The following FREM2 variants were observed in gnomAD, a reference collection of about 807,000 sequenced individuals.
FREM2 encodes the protein FRAS1 related extracellular matrix 2, also known as FRAS1-related extracellular matrix protein 2.
FREM2 carries 119 observed loss-of-function variants against 219.9 expected under a neutral mutation model. The observed-to-expected ratio is 0.54, with a 90% CI of 0.47 to 0.63. The LOEUF (loss-of-function observed/expected upper bound fraction) is 0.63. Among genes scored for constraint, FREM2 ranks in the 30% least tolerant of loss-of-function variants. The probability of loss-of-function intolerance (pLI) is 0.00; values close to 1 mark genes in which losing one functional copy is unlikely to be tolerated. For missense variants in FREM2, 4,030 were observed against 3,993.6 expected (o/e 1.01, Z -0.25); for synonymous variants, 1,562 against 1,522.8 (o/e 1.03, Z -0.60).
intron 2 of FREM2, among the ~76,000 whole-genome samples, chr13:38,701,615 A>G (rs1870345333): frequency 6.6e-6 from 1 of 152,072 alleles, no homozygotes; most frequent in Admixed American, 6.6e-5. Flanking sequence ...GTATTCTAAC[A>G]TGAAAGTGCT....
intron 3 of FREM2, among the ~76,000 whole-genome samples, chr13:38,767,104 T>A (rs542304927): frequency 2.0e-5 from 3 of 152,322 alleles, no homozygotes; most frequent in Non-Finnish European, 2.9e-5. Flanking sequence ...AAAAGGCCCA[T>A]GCTCTTAATC....
chr13:38,691,072 T>A lies in FREM2; in HGVS notation c.3728T>A (p.Ile1243Lys), dbSNP rs140377761. The change falls in exon 1 of 24, where the codon ATA becomes AAA. Residue 1243 changes from isoleucine (I) to lysine (K), a missense_variant. Transcript: ENST00000280481. ...PTHGHIMNQL[I>K]NGTVLVESFT... ...CATGGTCACATCATGAATCAGCTGA[T>A]AAATGGCACGGTTTTGGTCGAAAGC... 1.7e-4 allele frequency: 269 copies of A among 1,614,064 alleles called. No homozygotes were observed. Among genetic ancestry groups the A allele is most frequent in the Non-Finnish European group, 2.2e-4 (260 of 1,180,044 alleles).
chr13:38,713,973 C>G (rs980190118), intron 2 of FREM2, among the ~76,000 whole-genome samples: 1 of 152,190 alleles, frequency 6.6e-6, no homozygotes, highest in Non-Finnish European at 1.5e-5. Flanking sequence ...CCTCCAACAT[C>G]AAAGAACTAT....
In FREM2 at chr13:38,884,912, T is replaced by C. The variant is rs1033997558; in HGVS notation, c.*4125T>C. ...AACAGAAAGCTCATTTGTGAAAACA[T>C]ACTCTCATGGGAGCTTCTTTAACAT... On this transcript the variant is annotated 3_prime_UTR_variant, in exon 24 of 24. Transcript: ENST00000280481. The C allele has an allele frequency of 6.6e-6, 1 of 152,190 alleles. No individual in the cohort carries two copies. Among genetic ancestry groups the C allele is most frequent in the African/African-American group, 2.4e-5 (1 of 41,448 alleles). The allele number at this position is 152,190 out of a possible 1,614,324, so 9.4% of individuals were successfully genotyped here. A position where few individuals can be genotyped will look rare whatever the true frequency, so the allele number is the denominator to read the frequency against.
chr13:38,755,832 G>A (rs1872974020), intron 2 of FREM2, among the ~76,000 whole-genome samples: 1 of 152,200 alleles, frequency 6.6e-6, no homozygotes, highest in African/African-American at 2.4e-5. Context: ...TTCTTCATTA[G>A]AATTCATTCC....
chr13:38,787,443 C>A (rs1276338068), intron 6 of FREM2, among the ~76,000 whole-genome samples: 1 of 152,138 alleles, frequency 6.6e-6, no homozygotes, highest in East Asian at 1.9e-4. Context: ...TTCCTACCCA[C>A]ACCTTGGTTT....
Position 38,688,055 on chromosome 13 carries a change from G to T in FREM2, c.711G>T (p.Pro237=), listed in dbSNP as rs748873581. The change falls in exon 1 of 24, where the codon CCG becomes CCT. Residue 237 remains proline, a synonymous_variant. Coordinates refer to ENST00000280481, the MANE Select transcript of FREM2 (RefSeq NM_207361.6). ...GCTATGGAGAACTCCTCCACTACCC[G>T]CAGGTCCCTGGAGGAGCCAGAGAGG... The part of the protein sequence containing the change: ...LPRYGELLHY[P]QVPGGAREGG... The T allele has an allele frequency of 3.1e-6, 5 of 1,608,642 alleles. No individual in the cohort carries two copies. The South Asian group carries it at 5.5e-5, about 18-fold the overall frequency.
chr13:38,737,276 G>A (rs1238434469), intron 2 of FREM2, among the ~76,000 whole-genome samples: 8 of 152,200 alleles, frequency 5.3e-5, no homozygotes, highest in East Asian at 1.9e-4. Flanking sequence ...ATCAGGAACC[G>A]AAGAAGGTCT....
chr13:38,839,253 C>G (rs1176959378), intron 6 of FREM2, among the ~76,000 whole-genome samples: 1 of 152,148 alleles, frequency 6.6e-6, no homozygotes, highest in Non-Finnish European at 1.5e-5. Context: ...GCTGTGGTTC[C>G]CCTCCAGACC....
In FREM2 at chr13:38,691,168, A is replaced by G. The variant is rs749630562; in HGVS notation, c.3824A>G (p.Asp1275Gly). Reference sequence around the variant, plus strand: ...CATGATGACTCCGAGACCCAGGAAGACAGTTTTGTGATTAAACTAACAGAT... The same window carrying G: ...CATGATGACTCCGAGACCCAGGAAGGCAGTTTTGTGATTAAACTAACAGAT... ...YEHDDSETQE[D>G]SFVIKLTDGK... Residue 1275 changes from aspartate to glycine, a missense_variant, in exon 1 of 24, where the codon GAC becomes GGC. Around this residue, in one of 2 missense-constraint regions of FREM2, gnomAD observed 3,102 missense variants for 2,950.7 expected, o/e 1.05. Coordinates refer to ENST00000280481, the MANE Select transcript of FREM2 (RefSeq NM_207361.6). The G allele has an allele frequency of 1.2e-6, 2 of 1,614,132 alleles. No homozygotes were observed. The highest frequency in any genetic ancestry group is 1.1e-5 in the South Asian group (1 of 91,068).
At chr13:38,813,025 T>A (rs75196890) in intron 6 of FREM2, among the ~76,000 whole-genome samples, 3,022 of 152,246 alleles carry the variant, frequency 0.02, 43 homozygotes, top group Non-Finnish European at 0.031. Context: ...TGTCTATGTT[T>A]TTAAAAGTTA....
Position 38,876,162 on chromosome 13 carries a change from GACTCTTAAT to G in FREM2, c.8409+14_8409+22del. 6.2e-7 allele frequency: 1 copy of G among 1,614,062 alleles called. No individual in the cohort carries two copies. Among genetic ancestry groups the G allele is most frequent in the East Asian group, 2.2e-5 (1 of 44,878 alleles). On this transcript the variant is annotated intron_variant, in intron 19 of 23. Transcript: ENST00000280481. ...CTCTGACTTTGCCGTAAGTGACTAAGACTCTTAATTAATTTTCTTCTGCTGCTGCCATCT... is the reference window on the plus strand; with the variant it reads ...CTCTGACTTTGCCGTAAGTGACTAAGTAATTTTCTTCTGCTGCTGCCATCT...
intron 6 of FREM2, chr13:38,821,785 C>CA (rs1876066939): frequency 6.6e-6 from 1 of 152,130 alleles, no homozygotes; most frequent in Admixed American, 6.6e-5. Flanking sequence ...TGGTGAAAGA[C>CA]ACTAGCCCAA....
At chr13:38,783,805 C>T (rs1200116484) in intron 5 of FREM2, among the ~76,000 whole-genome samples, 1 of 152,032 alleles carries the variant, frequency 6.6e-6, no homozygotes, top group South Asian at 2.1e-4. Flanking sequence ...GATTAAAAGC[C>T]GACTTCAGAG....
At chr13:38,716,355 A>C (rs1236218003) in intron 2 of FREM2, among the ~76,000 whole-genome samples, 1 of 152,168 alleles carries the variant, frequency 6.6e-6, no homozygotes, top group Non-Finnish European at 1.5e-5. Context: ...GCCTGCATCC[A>C]GCTTTCCCAC....
Position 38,883,648 on chromosome 13 carries a change from T to G in FREM2, c.*2861T>G, listed in dbSNP as rs1254112323. The stretch of plus-strand genomic sequence containing the variant: ...CCTAGGATTGGCTATTCTGAGGGAT[T>G]GCATAGAAACCAAGCTCCACTTGCT... On this transcript the variant is annotated 3_prime_UTR_variant, in exon 24 of 24. Coordinates refer to ENST00000280481, the MANE Select transcript of FREM2 (RefSeq NM_207361.6). 1 of 152,174 alleles carries G rather than the reference T, an allele frequency of 6.6e-6. No homozygotes were observed. Among genetic ancestry groups the G allele is most frequent in the Non-Finnish European group, 1.5e-5 (1 of 68,028 alleles). 9.4% of individuals were successfully genotyped at this position (152,174 alleles called of 1,614,324 possible).
Position 38,688,619 on chromosome 13 carries a change from T to C in FREM2, c.1275T>C (p.Phe425=). ...TAGAAGGAGCAGCTTCAGACCCTTT[T>C]GCCTTCATGGTAGTGGTGAAGCCCA... ...VDLEGAASDP[F]AFMVVVKPMN... Residue 425 remains phenylalanine, a synonymous_variant, in exon 1 of 24, where the codon TTT becomes TTC. Transcript: ENST00000280481. 6.2e-7 allele frequency: 1 copy of C among 1,614,154 alleles called. No homozygotes were observed. The highest frequency in any genetic ancestry group is 1.1e-5 in the South Asian group (1 of 91,078).
chr13:38,692,608 C>A, intron 1 of FREM2, 91 bp downstream of exon 1: 1 of 1,441,368 alleles, frequency 6.9e-7, no homozygotes. Context: ...AAATTAGAGT[C>A]CAAGAGAAGG....
At chr13:38,827,786 A>T (rs1272864326) in intron 6 of FREM2, among the ~76,000 whole-genome samples, 5 of 152,162 alleles carry the variant, frequency 3.3e-5, no homozygotes, top group Admixed American at 6.6e-5. Flanking sequence ...CAGCATAATC[A>T]TCCACAACAC....
Sources: allele counts gnomAD v4.1 joint callset (sites outside exome capture counted in the v4.1 genomes callset), GRCh38; gene constraint gnomAD v4.1.1; regional missense constraint gnomAD v4.1.1; transcripts MANE v1.5; gene names NCBI Gene and HGNC (gene_info 2026-07-23, HGNC 2026-07-21).